TTN: variants seen among roughly 807,000 people sequenced by gnomAD.
The protein encoded by TTN is titin.
In TTN, 1,525 loss-of-function variants were observed where a neutral mutation model predicts 3,223.0. That is an observed-to-expected ratio of 0.47 (90% confidence interval 0.45 to 0.49). TTN has a LOEUF of 0.49. Ranked by LOEUF, TTN falls within the 20% of genes least tolerant of loss-of-function variation. The pLI, the probability that TTN is intolerant of heterozygous loss-of-function variation, is 0.00. For synonymous variants in TTN, 14,094 were observed against 15,161.0 expected, an observed-to-expected ratio of 0.93 and a Z score of 5.17; for missense variants, 40,786 against 43,424.0, an observed-to-expected ratio of 0.94 and a Z score of 5.40.
Position 178,549,003 on chromosome 2 carries a change from C to A in TTN, c.92623G>T (p.Ala30875Ser). Residue 30875 changes from alanine (A) to serine (S), a missense_variant, in exon 339 of 363, where the codon GCA becomes TCA. Physicochemically the swap from Ala to Ser is moderately conservative, Grantham distance 99. Coordinates refer to ENST00000589042, the MANE Select transcript of TTN (RefSeq NM_001267550.2). ...ACTGTATATCTTGTTTTCACACATG[C>A]CTCTGCATTCACCTTGTGCCAGTCT... ...LGDWHKVNAE[A>S]CVKTRYTVTD... The A allele has an allele frequency of 6.2e-7, 1 of 1,613,892 alleles. No homozygotes were observed. The highest frequency in any genetic ancestry group is 8.5e-7 in the Non-Finnish European group (1 of 1,179,838).
In TTN at chr2:178,749,190, T is replaced by C. The variant is rs397517807; in HGVS notation, c.11311+3934A>G. On this transcript the variant is annotated intron_variant, in intron 47 of 362. Coordinates refer to ENST00000589042, the MANE Select transcript of TTN (RefSeq NM_001267550.2). ...TCTTGTACATTTTCCTTTTCTGATC[T>C]ACCAAGTTTTCCAAAATTATTTCTT... 7.4e-6 allele frequency: 12 copies of C among 1,611,222 alleles called. No individual in the cohort carries two copies. The highest frequency in any genetic ancestry group is 7.6e-6 in the Non-Finnish European group (9 of 1,178,638).
rs1156601785 is a variant in TTN at position 178,539,034 on chromosome 2, C to T, written c.98901G>A (p.Glu32967=). Residue 32967 remains glutamate (E), a synonymous_variant, in exon 353 of 363, where the codon GAG becomes GAA. Transcript: ENST00000589042. The part of the protein sequence containing the change: ...YTVTGLVPDA[E]YQFRIIAQND... ...TCTGTGCGATGATGCGGAACTGATA[C>T]TCAGCATCGGGAACAAGCCCTGTGA... The T allele has an allele frequency of 1.9e-6, 3 of 1,613,800 alleles. No homozygotes were observed. The highest frequency in any genetic ancestry group is 4.5e-5 in the East Asian group (2 of 44,876).
Position 178,590,793 on chromosome 2 carries a change from C to T in TTN, c.60932G>A (p.Arg20311Gln), listed in dbSNP as rs373062007. Residue 20311 changes from arginine to glutamine, a missense_variant, in exon 304 of 363, where the codon CGA becomes CAA. By Grantham distance (43) the Arg-to-Gln change is conservative. Coordinates refer to ENST00000589042, the MANE Select transcript of TTN (RefSeq NM_001267550.2). Reference protein sequence around the residue: ...SPITGYYMERREVTGKWVRVN... With the variant: ...SPITGYYMERQEVTGKWVRVN... ...CCTCACCCATTTGCCAGTTACTTCT[C>T]GACGTTCCATATAGTAGCCAGTTAT... The T allele has an allele frequency of 4.6e-5, 74 of 1,607,360 alleles. No homozygotes were observed. Among genetic ancestry groups the T allele is most frequent in the East Asian group, 4.5e-4 (20 of 44,604 alleles).
At chr2:178,686,113 AT>A (rs765570520) in intron 127 of TTN, among the ~76,000 whole-genome samples, 134 of 77,796 alleles carry the variant, frequency 1.7e-3, no homozygotes, top group East Asian at 0.011. Flanking sequence ...TACAGTTTTA[AT>A]TTTTTTTTTT....
chr2:178,764,398 G>A (rs2089985539), intron 42 of TTN, 96 bp from the exon 43 acceptor site: 2 of 1,610,666 alleles, frequency 1.2e-6, no homozygotes, highest in Admixed American at 1.7e-5. Context: ...TTTCACTGCA[G>A]AGTGCTTTCA....
At chr2:178,771,708 A>T (rs560191745) in intron 33 of TTN, among the ~76,000 whole-genome samples, 11 of 152,206 alleles carry the variant, frequency 7.2e-5, no homozygotes, top group Non-Finnish European at 1.6e-4. Flanking sequence ...AGAAAAAATA[A>T]CTGTTGAATT....
In TTN at chr2:178,649,825, G is replaced by C. The variant is rs760464072; in HGVS notation, c.39887C>G (p.Pro13296Arg). 5.7e-5 allele frequency: 92 copies of C among 1,612,342 alleles called. No individual in the cohort carries two copies. Among genetic ancestry groups the C allele is most frequent in the Non-Finnish European group, 7.4e-5 (87 of 1,179,410 alleles). ...VPVIKKPEAP[P>R]PKEPEMPKKV... ...CATTTTAACATGAGTACCTTTAGGA[G>C]GCGGTGCTTCTGGTTTTTTGATGAC... Residue 13296 changes from proline to arginine, a missense_variant, in exon 211 of 363, where the codon CCT becomes CGT. Pro to Arg is a moderately radical substitution (Grantham distance 103). Transcript: ENST00000589042.
Position 178,635,262 on chromosome 2 carries a change from A to T in TTN, c.41927T>A (p.Ile13976Asn). 6.2e-7 allele frequency: 1 copy of T among 1,613,284 alleles called. No homozygotes were observed. The highest frequency in any genetic ancestry group is 8.5e-7 in the Non-Finnish European group (1 of 1,179,540). Residue 13976 changes from isoleucine to asparagine, a missense_variant, in exon 228 of 363, where the codon ATT becomes AAT. Physicochemically the swap from Ile to Asn is moderately radical, Grantham distance 149. Coordinates refer to ENST00000589042, the MANE Select transcript of TTN (RefSeq NM_001267550.2). ...AAAGCTTGCACTTTCTTTCTCATAAATGGTAACGTCCTCTATTGGTTTAAG... is the reference window on the plus strand; with the variant it reads ...AAAGCTTGCACTTTCTTTCTCATAATTGGTAACGTCCTCTATTGGTTTAAG... Reference protein sequence around the residue: ...ELLKPIEDVTIYEKESASFDA... With the variant: ...ELLKPIEDVTNYEKESASFDA...
chr2:178,680,175 G>T, intron 139 of TTN, 79 bp downstream of exon 139: 1 of 1,582,992 alleles, frequency 6.3e-7, no homozygotes, highest in Admixed American at 1.9e-5. Context: ...TCCCACAAAA[G>T]AAGTTTTCAC....
At chr2:178,583,505 A>G (rs2048247649) in intron 312 of TTN, 102 bp downstream of exon 312, 1 of 1,230,780 alleles carries the variant, frequency 8.1e-7, no homozygotes, top group Non-Finnish European at 1.1e-6. Context: ...CATCATTTTA[A>G]TTTTCCTTTT....
In TTN at chr2:178,724,445, A is replaced by T; in HGVS notation, c.20930T>A (p.Leu6977His). The change falls in exon 72 of 363, where the codon CTC (leucine) becomes CAC (histidine). Residue 6977 changes from leucine (L) to histidine (H), a missense_variant. Physicochemically the swap from Leu to His is moderately conservative, Grantham distance 99. Transcript: ENST00000589042. ...LECKVAGTPE[L>H]SVEWYKDGKL... is the part of the protein sequence containing the mutation. ...TCCATCCTTGTACCATTCAACAGAG[A>T]GTTCCGGAGTGCCAGCCACCTTACA... The T allele has an allele frequency of 1.9e-6, 3 of 1,613,358 alleles. No individual in the cohort carries two copies. Among genetic ancestry groups the T allele is most frequent in the Non-Finnish European group, 2.5e-6 (3 of 1,179,520 alleles).
chr2:178,706,732 A>C lies in TTN; in HGVS notation c.29142T>G (p.Thr9714=). 6.2e-7 allele frequency: 1 copy of C among 1,608,508 alleles called. No individual in the cohort carries two copies. Among genetic ancestry groups the C allele is most frequent in the Non-Finnish European group, 8.5e-7 (1 of 1,177,046 alleles). Residue 9714 remains threonine, a synonymous_variant, in exon 102 of 363, where the codon ACT becomes ACG. Coordinates refer to ENST00000589042, the MANE Select transcript of TTN (RefSeq NM_001267550.2). ...CTCCAACTTTTGCAATGAAGGTCGCAGTGGTTTCTAAGGAATAATGAAAAC... is the reference window on the plus strand; with the variant it reads ...CTCCAACTTTTGCAATGAAGGTCGCCGTGGTTTCTAAGGAATAATGAAAAC... ...PQSIRVVEKT[T]ATFIAKVGGD...
Position 178,614,473 on chromosome 2 carries a change from G to A in TTN, c.49041C>T (p.Asn16347=), listed in dbSNP as rs369981635. Residue 16347 remains asparagine, a synonymous_variant, in exon 261 of 363, where the codon AAC becomes AAT. Coordinates refer to ENST00000589042, the MANE Select transcript of TTN (RefSeq NM_001267550.2). ...CGRATAVVEV[N]VLDKPGPPAA... The stretch of plus-strand genomic sequence containing the variant: ...AATGAGAACCTTCCTTACCTAAGAC[G>A]TTCACTTCCACCACAGCAGTGGCCC... 6.6e-5 allele frequency: 105 copies of A among 1,601,842 alleles called. No individual in the cohort carries two copies. Among genetic ancestry groups the A allele is most frequent in the Non-Finnish European group, 8.3e-5 (97 of 1,174,408 alleles).
chr2:178,756,472 G>A lies in TTN; in HGVS notation c.11004C>T (p.Asp3668=), dbSNP rs1330554109. The part of the protein sequence containing the change: ...EAPKIFLHLQ[D]VTVKCGDTAQ... ...CCGTGTCACCGCACTTTACAGTGAC[G>A]TCCTGAAGATGCAGGAAAATCTTGG... Residue 3668 remains aspartate (D), a synonymous_variant, in exon 46 of 363, where the codon GAC becomes GAT. Transcript: ENST00000589042. 1.2e-5 allele frequency: 20 copies of A among 1,613,788 alleles called. No homozygotes were observed. The highest frequency in any genetic ancestry group is 4.5e-5 in the East Asian group (2 of 44,828).
chr2:178,785,523 A>G (rs988825104), intron 15 of TTN, 97 bp downstream of exon 15: 10 of 1,563,020 alleles, frequency 6.4e-6, no homozygotes, highest in African/African-American at 2.7e-5. Context: ...TCACCAAAAA[A>G]GAATCCTCCA....
chr2:178,760,313 C>T (rs553245641), intron 43 of TTN, among the ~76,000 whole-genome samples: 3 of 152,226 alleles, frequency 2.0e-5, no homozygotes, highest in South Asian at 2.1e-4. Context: ...GGGCAGATCA[C>T]GAGGTCAGGA....
At position 178,664,935 on chromosome 2, in the gene TTN, A is replaced by C; in HGVS notation, c.36044-9T>G. 1 of 1,601,184 alleles carries C rather than the reference A, an allele frequency of 6.2e-7. No individual in the cohort carries two copies. Among genetic ancestry groups the C allele is most frequent in the Non-Finnish European group, 8.5e-7 (1 of 1,174,282 alleles). ...TTGAGGAGCTTCGGGCGCTTGAAAG[A>C]TATTAGCAATTCACATTTAAGAGTT... is the stretch of plus-strand genomic sequence containing the variant. On this transcript the variant is annotated splice_polypyrimidine_tract_variant and intron_variant, in intron 165 of 362. Transcript: ENST00000589042.
chr2:178,736,597 A>G (rs1055337960), intron 49 of TTN, among the ~76,000 whole-genome samples: 38 of 152,168 alleles, frequency 2.5e-4, no homozygotes, highest in Admixed American at 2.1e-3. Flanking sequence ...AAAAATATTT[A>G]ATAGCAGCAA....
In TTN at chr2:178,568,351, A is replaced by C. The variant is rs1226545466; in HGVS notation, c.77781T>G (p.Ile25927Met). Residue 25927 changes from isoleucine to methionine, a missense_variant, in exon 326 of 363, where the codon ATT becomes ATG. By Grantham distance (10) the Ile-to-Met change is conservative (BLOSUM62 1). Transcript: ENST00000589042. Reference sequence around the variant, plus strand: ...TGGTGGTTGTATCTCTTTTCTGAACAATGTAGTTGGTGATTTGGCAGCCCC... The same window carrying C: ...TGGTGGTTGTATCTCTTTTCTGAACCATGTAGTTGGTGATTTGGCAGCCCC... ...YTGGCQITNYIVQKRDTTTTV... is the reference protein window; with the variant it reads ...YTGGCQITNYMVQKRDTTTTV... 1.1e-5 allele frequency: 18 copies of C among 1,613,278 alleles called. No homozygotes were observed. Among genetic ancestry groups the C allele is most frequent in the Non-Finnish European group, 1.5e-5 (18 of 1,179,616 alleles).
Sources: gnomAD v4.1 joint callset for allele counts (sites outside exome capture counted in the v4.1 genomes callset) on GRCh38, gnomAD v4.1.1 for gene constraint, MANE v1.5 for transcripts, NCBI Gene and HGNC (gene_info 2026-07-23, HGNC 2026-07-21) for gene names.